LTBP1: variants seen among roughly 807,000 people sequenced by gnomAD.
LTBP1 encodes the protein latent-transforming growth factor beta-binding protein 1.
A neutral mutation model predicts 207.6 loss-of-function variants in LTBP1; 129 were observed. The observed-to-expected ratio is 0.62, with a 90% CI of 0.54 to 0.72. The LOEUF is 0.72. Among genes scored for constraint, LTBP1 ranks in the 30% least tolerant of loss-of-function variants. LTBP1 has a pLI of 0.00. For synonymous variants in LTBP1, 963 were observed against 833.7 expected (o/e 1.16, Z -2.67); for missense variants, 2,281 against 2,217.2 (o/e 1.03, Z -0.58).
At chr2:33,183,324 C>A (rs190102957) in intron 5 of LTBP1, among the ~76,000 whole-genome samples, 189 of 152,148 alleles carry the variant, frequency 1.2e-3, no homozygotes, top group Admixed American at 2.4e-3. Flanking sequence ...GATTTTTATC[C>A]CTCTGAGATG....
chr2:33,145,413 C>T (rs999612823), intron 5 of LTBP1, among the ~76,000 whole-genome samples: 27 of 152,150 alleles, frequency 1.8e-4, no homozygotes, highest in Admixed American at 1.5e-3. Flanking sequence ...CAATTTTCAT[C>T]AGATTCTCCC....
At chr2:32,965,876 A>G (rs553526932) in intron 2 of LTBP1, among the ~76,000 whole-genome samples, 75 of 152,338 alleles carry the variant, frequency 4.9e-4, no homozygotes, top group Non-Finnish European at 9.6e-4. Context: ...TAGTAAGAGT[A>G]TGTTTAGTTT....
At chr2:33,153,232 G>A (rs2083684062) in intron 5 of LTBP1, among the ~76,000 whole-genome samples, 2 of 152,344 alleles carry the variant, frequency 1.3e-5, no homozygotes, top group African/African-American at 4.8e-5. Context: ...GTGTGGTGAT[G>A]TGTCATCAGC....
intron 19 of LTBP1, among the ~76,000 whole-genome samples, chr2:33,284,892 T>C (rs1442840832): frequency 6.6e-6 from 1 of 152,138 alleles, no homozygotes; most frequent in Non-Finnish European, 1.5e-5. Context: ...AAGCACCTAG[T>C]AGGCATCTGA....
chr2:33,222,191 GT>G lies in LTBP1; in HGVS notation c.1876+44del, dbSNP rs781633515. ...ATTCATTGATGTGGACTCAACAGTT[GT>G]TTTGGCTTTTTAGAAACTTCAGTTG... On this transcript the variant is annotated intron_variant, in intron 9 of 33. Coordinates refer to ENST00000404816, the MANE Select transcript of LTBP1 (RefSeq NM_206943.4). The G allele has an allele frequency of 6.0e-6, 9 of 1,487,784 alleles. No individual in the cohort carries two copies. The African/African-American group carries it at 1.2e-4, about 20-fold the overall frequency. 92.2% of individuals were successfully genotyped at this position (1,487,784 alleles called of 1,614,324 possible).
chr2:33,241,291 C>T (rs1473354309), intron 9 of LTBP1, among the ~76,000 whole-genome samples: 3 of 152,186 alleles, frequency 2.0e-5, no homozygotes, highest in Non-Finnish European at 4.4e-5. Context: ...TTACACGATT[C>T]TTCGTCTTTG....
chr2:33,127,700 G>C (rs2081517895), intron 4 of LTBP1, among the ~76,000 whole-genome samples: 1 of 152,218 alleles, frequency 6.6e-6, no homozygotes, highest in Non-Finnish European at 1.5e-5. Flanking sequence ...AATATCCATA[G>C]ACGTGTCTGC....
At chr2:33,374,675 C>G (rs1430803105) in intron 31 of LTBP1, among the ~76,000 whole-genome samples, 1 of 152,192 alleles carries the variant, frequency 6.6e-6, no homozygotes, top group Non-Finnish European at 1.5e-5. Flanking sequence ...GGACTCTTGG[C>G]CCGGCACAGT....
intron 19 of LTBP1, among the ~76,000 whole-genome samples, chr2:33,283,944 C>G (rs1558944537): frequency 6.6e-6 from 1 of 152,088 alleles, no homozygotes; most frequent in Non-Finnish European, 1.5e-5. Flanking sequence ...TATAACATTT[C>G]TTAAATTTCA....
In LTBP1 at chr2:32,986,462, A is replaced by T. The variant is rs182019179; in HGVS notation, c.566-34447A>T. 2.1e-4 allele frequency among the ~76,000 whole-genome samples: 32 copies of T among 152,310 alleles called. No individual in the cohort carries two copies. In the East Asian group the frequency reaches 5.8e-3, roughly 28 times the overall value. On this transcript the variant is annotated intron_variant, in intron 2 of 33. Coordinates refer to ENST00000404816, the MANE Select transcript of LTBP1 (RefSeq NM_206943.4). ...ACTGGGAATCCTAAGGTTTATGCTG[A>T]CATTAAGCCTGATTGGCTCTCCAGG...
At chr2:33,277,883 G>A (rs1247204695) in intron 18 of LTBP1, among the ~76,000 whole-genome samples, 1 of 140,586 alleles carries the variant, frequency 7.1e-6, no homozygotes, top group East Asian at 2.1e-4. Context: ...AGGCTGGAGT[G>A]CAGTGGTGCG....
chr2:33,055,439 G>A (rs1277066160), intron 3 of LTBP1, among the ~76,000 whole-genome samples: 1 of 152,144 alleles, frequency 6.6e-6, no homozygotes, highest in African/African-American at 2.4e-5. Flanking sequence ...CAGGTCAACA[G>A]ATGTTTACAA....
chr2:33,125,963 A>G (rs1349112827), intron 4 of LTBP1, among the ~76,000 whole-genome samples: 1 of 152,190 alleles, frequency 6.6e-6, no homozygotes, highest in Non-Finnish European at 1.5e-5. Flanking sequence ...TGAAATTGCA[A>G]CCAGGGTATC....
At chr2:33,147,962 G>T (rs1414407024) in intron 5 of LTBP1, among the ~76,000 whole-genome samples, 1 of 152,218 alleles carries the variant, frequency 6.6e-6, no homozygotes, top group Non-Finnish European at 1.5e-5. Flanking sequence ...GTCCCAGGAA[G>T]TGAAATAACA....
In LTBP1 at chr2:33,077,164, A is replaced by G. The variant is rs1464973182; in HGVS notation, c.864-33418A>G. ...TGTTCCATATAAGCTTCACACACTG[A>G]CAACCTGGGCAGTGCTATGCTAATC... On this transcript the variant is annotated intron_variant, in intron 3 of 33. Coordinates refer to ENST00000404816, the MANE Select transcript of LTBP1 (RefSeq NM_206943.4). Among the ~76,000 whole-genome samples the G allele has an allele frequency of 2.0e-5, 3 of 152,304 alleles. No individual in the cohort carries two copies. In the East Asian group the frequency reaches 5.8e-4, roughly 29 times the overall value.
chr2:33,383,819 G>A (rs777868014), intron 31 of LTBP1, among the ~76,000 whole-genome samples: 12 of 152,224 alleles, frequency 7.9e-5, no homozygotes, highest in Non-Finnish European at 1.5e-4. Context: ...TTACAGGCGT[G>A]AGCCACTGCG....
intron 2 of LTBP1, among the ~76,000 whole-genome samples, chr2:33,006,963 T>A (rs1294522349): frequency 6.6e-6 from 1 of 152,222 alleles, no homozygotes; most frequent in Non-Finnish European, 1.5e-5. Flanking sequence ...TGCTCCCTTT[T>A]GGCATGTCAA....
chr2:33,380,919 T>A (rs1213408387), intron 31 of LTBP1, among the ~76,000 whole-genome samples: 2 of 152,246 alleles, frequency 1.3e-5, no homozygotes, highest in East Asian at 3.9e-4. Context: ...TTTGTATGTA[T>A]AACTTAAAAA....
At chr2:33,111,457 GT>G (rs1295192172) in intron 4 of LTBP1, among the ~76,000 whole-genome samples, 4 of 152,202 alleles carry the variant, frequency 2.6e-5, no homozygotes, top group Admixed American at 2.6e-4. Flanking sequence ...TTCCTGCCCT[GT>G]CACATGTTGA....
Sources: allele counts gnomAD v4.1 joint callset (sites outside exome capture counted in the v4.1 genomes callset), GRCh38; gene constraint gnomAD v4.1.1; transcripts MANE v1.5; gene names NCBI Gene and HGNC (gene_info 2026-07-23, HGNC 2026-07-21).